C16orf89: variants seen among roughly 807,000 people sequenced by gnomAD.
C16orf89 encodes the protein chromosome 16 open reading frame 89, also known as UPF0764 protein C16orf89.
A neutral mutation model predicts 41.5 loss-of-function variants in C16orf89; 57 were observed. The ratio of observed to expected loss-of-function variants is 1.38; its 90% CI spans 1.11 to 1.71. The LOEUF (loss-of-function observed/expected upper bound fraction) is 1.71. Ranked by LOEUF, C16orf89 falls within the 40% of genes most tolerant of loss-of-function variation. C16orf89 has a pLI of 0.00. For missense variants in C16orf89, 575 were observed against 445.9 expected (o/e 1.29, Z -2.61); for synonymous variants, 223 against 190.6 (o/e 1.17, Z -1.40).
intron 4 of C16orf89, among the ~76,000 whole-genome samples, chr16:5,057,332 ATATATATAGTGG>A (rs1420335056): frequency 1.4e-5 from 2 of 146,970 alleles, no homozygotes; most frequent in African/African-American, 4.9e-5. Flanking sequence ...ATAGTGGTGT[ATATATATAGTGG>A]TATATATAGT....
intron 4 of C16orf89, 148 bp from the exon 5 acceptor site, chr16:5,056,336 C>G: frequency 1.5e-6 from 1 of 676,448 alleles, no homozygotes; most frequent in Non-Finnish European, 2.2e-6. Flanking sequence ...TTCTCCTTTT[C>G]GCAGGATTTC....
chr16:5,047,044 C>A (rs1956310524), intron 7 of C16orf89, among the ~76,000 whole-genome samples: 1 of 152,078 alleles, frequency 6.6e-6, no homozygotes, highest in Non-Finnish European at 1.5e-5. Flanking sequence ...GCACACAGAC[C>A]CCTCCAAACT....
chr16:5,056,189 C>T lies in C16orf89; in HGVS notation c.628-1G>A. On this transcript the variant is annotated splice_acceptor_variant, in intron 4 of 7. Transcript: ENST00000472572. LOFTEE classifies it high-confidence loss of function. ...GGAGTGGTCCCTGTGTGCACCCCCT[C>T]TGGGGAGACAAACACCCAAAGACAA... is the stretch of plus-strand genomic sequence containing the variant. The T allele has an allele frequency of 6.3e-7, 1 of 1,583,230 alleles. No individual in the cohort carries two copies. The highest frequency in any genetic ancestry group is 2.3e-5 in the East Asian group (1 of 43,922).
At chr16:5,056,261 GTCT>G in intron 4 of C16orf89, 73 bp from the exon 5 acceptor site, 1 of 1,437,014 alleles carries the variant, frequency 7.0e-7, no homozygotes, top group South Asian at 1.3e-5. Flanking sequence ...CTATGGGAAA[GTCT>G]TGCAGTTCTG....
intron 4 of C16orf89, among the ~76,000 whole-genome samples, chr16:5,056,539 C>T (rs1038167627): frequency 2.6e-5 from 4 of 152,250 alleles, no homozygotes; most frequent in South Asian, 2.1e-4. Context: ...AATGTGATGC[C>T]TGGGCCACTA....
rs769590504 is a variant in C16orf89 at position 5,047,979 on chromosome 16, A to G, written c.869-15T>C. 6 of 1,340,026 alleles carry G rather than the reference A, an allele frequency of 4.5e-6. No homozygotes were observed. Among genetic ancestry groups the G allele is most frequent in the Middle Eastern group, 1.8e-4 (1 of 5,630 alleles). The allele number at this position is 1,340,026 out of a possible 1,614,324, so 83.0% of individuals were successfully genotyped here. On this transcript the variant is annotated splice_polypyrimidine_tract_variant and intron_variant, in intron 6 of 7. Coordinates refer to ENST00000472572, the MANE Select transcript of C16orf89 (RefSeq NM_001098514.3). ...ATCTTCAGCATCTGGGAGAAGAGCA[A>G]AAGTTGAACTTCTCAAGAGAGATTT...
At chr16:5,047,801 G>T in intron 7 of C16orf89, 77 bp downstream of exon 7, 2 of 847,598 alleles carry the variant, frequency 2.4e-6, no homozygotes, top group South Asian at 2.8e-5. Context: ...TTCCATAGCA[G>T]AGAATAAACA....
Position 5,044,209 on chromosome 16 carries a change from A to C in C16orf89, c.*139T>G. On this transcript the variant is annotated 3_prime_UTR_variant, in exon 8 of 8. Coordinates refer to ENST00000472572, the MANE Select transcript of C16orf89 (RefSeq NM_001098514.3). ...CTGGCCTTGCCTACTCAGGGCTTCC[A>C]AGATTGGGTGTCGGGGTGGCTTTGC... is the stretch of plus-strand genomic sequence containing the variant. The C allele has an allele frequency of 7.1e-7, 1 of 1,411,398 alleles. No homozygotes were observed. The highest frequency in any genetic ancestry group is 9.2e-7 in the Non-Finnish European group (1 of 1,087,902). The allele number at this position is 1,411,398 out of a possible 1,614,324, so 87.4% of individuals were successfully genotyped here. A position where few individuals can be genotyped will look rare whatever the true frequency, so the allele number is the denominator to read the frequency against.
At chr16:5,056,674 G>C (rs1332422095) in intron 4 of C16orf89, among the ~76,000 whole-genome samples, 2 of 152,194 alleles carry the variant, frequency 1.3e-5, no homozygotes, top group Non-Finnish European at 2.9e-5. Context: ...CACTGGGAGA[G>C]AAGAACAAGA....
chr16:5,062,699 C>T lies in C16orf89; in HGVS notation c.209-125G>A, dbSNP rs1405994187. 5.5e-6 allele frequency: 6 copies of T among 1,092,312 alleles called. No individual in the cohort carries two copies. In the African/African-American group the frequency reaches 9.7e-5, roughly 18 times the overall value. 67.7% of individuals were successfully genotyped at this position (1,092,312 alleles called of 1,614,324 possible). On this transcript the variant is annotated intron_variant, in intron 1 of 7. Coordinates refer to ENST00000472572, the MANE Select transcript of C16orf89 (RefSeq NM_001098514.3). Reference sequence around the variant, plus strand: ...GGGAGCCTCTCTGCCTTCTCCAGCACTCAGAGGGGAAGGATTTACTGAGCT... The same window carrying T: ...GGGAGCCTCTCTGCCTTCTCCAGCATTCAGAGGGGAAGGATTTACTGAGCT...
At position 5,056,156 on chromosome 16, in the gene C16orf89, G is replaced by A; in HGVS notation, c.660C>T (p.Ser220=). ...RGCTQGPLQQ[S]QDYINLFCAN... is the part of the protein sequence containing the mutation. ...CGCAGAAGAGGTTGATATAGTCCTG[G>A]CTCTGTTGGAGTGGTCCCTGTGTGC... The change falls in exon 5 of 8, where the codon AGC becomes AGT. Residue 220 remains serine, a synonymous_variant. Coordinates refer to ENST00000472572, the MANE Select transcript of C16orf89 (RefSeq NM_001098514.3). 6.3e-7 allele frequency: 1 copy of A among 1,594,802 alleles called. No individual in the cohort carries two copies. The highest frequency in any genetic ancestry group is 8.6e-7 in the Non-Finnish European group (1 of 1,163,652).
intron 2 of C16orf89, among the ~76,000 whole-genome samples, chr16:5,062,191 C>T (rs978951304): frequency 6.6e-6 from 1 of 152,206 alleles, no homozygotes; most frequent in Non-Finnish European, 1.5e-5. Flanking sequence ...TGAGAGAAGA[C>T]ACCCTGCTTC....
In C16orf89 at chr16:5,060,289, G is replaced by C. The variant is rs543397135; in HGVS notation, c.506C>G (p.Thr169Ser). 4 of 1,608,206 alleles carry C rather than the reference G, an allele frequency of 2.5e-6. 1 individual carries two copies. The highest frequency in any genetic ancestry group is 8.5e-7 in the Non-Finnish European group (1 of 1,176,876). The change falls in exon 3 of 8, where the codon ACC (threonine) becomes AGC (serine). Residue 169 changes from threonine (T) to serine (S), a missense_variant. By Grantham distance (58) the Thr-to-Ser change is moderately conservative (BLOSUM62 1). Coordinates refer to ENST00000472572, the MANE Select transcript of C16orf89 (RefSeq NM_001098514.3). ...ATAGGGCAAGTGCAGGGCCCACCCG[G>C]TTCCCAGCAGCTGCACCAGGCACAC... ...SDVCLVQLLG[T>S]GTDSSEPCGL...
At chr16:5,050,522 C>G (rs528965456) in intron 6 of C16orf89, among the ~76,000 whole-genome samples, 136 of 152,218 alleles carry the variant, frequency 8.9e-4, no homozygotes, top group African/African-American at 3.2e-3. Flanking sequence ...ACAAAAAGCC[C>G]AGGACCTGAC....
At chr16:5,055,709 C>T (rs760650519) in intron 5 of C16orf89, 49 of 1,465,232 alleles carry the variant, frequency 3.3e-5, no homozygotes, top group South Asian at 2.4e-4. Context: ...TGTAGAGCTC[C>T]GTCACTGGGG....
At chr16:5,058,696 AC>A in intron 3 of C16orf89, 86 bp from the exon 4 acceptor site, 1 of 1,113,418 alleles carries the variant, frequency 9.0e-7, no homozygotes, top group East Asian at 2.7e-5. Context: ...AGTTGTTGGA[AC>A]TCCCAGTAGA....
chr16:5,056,336 C>T (rs1439791593), intron 4 of C16orf89, 148 bp from the exon 5 acceptor site: 12 of 676,326 alleles, frequency 1.8e-5, no homozygotes, highest in South Asian at 4.8e-5. Flanking sequence ...TTCTCCTTTT[C>T]GCAGGATTTC....
intron 6 of C16orf89, among the ~76,000 whole-genome samples, chr16:5,052,546 G>C (rs1261640677): frequency 6.6e-6 from 1 of 151,860 alleles, no homozygotes; most frequent in African/African-American, 2.4e-5. Flanking sequence ...AGCCGAGATC[G>C]CACCACTGCA....
At chr16:5,062,611 G>A in intron 1 of C16orf89, 37 bp from the exon 2 acceptor site, 1 of 1,529,718 alleles carries the variant, frequency 6.5e-7, no homozygotes, top group African/African-American at 1.4e-5. Context: ...CAACTATTTG[G>A]AATCGGGACC....
Sources: allele counts gnomAD v4.1 joint callset (sites outside exome capture counted in the v4.1 genomes callset), GRCh38; gene constraint gnomAD v4.1.1; transcripts MANE v1.5; gene names NCBI Gene and HGNC (gene_info 2026-07-23, HGNC 2026-07-21).